Variants in GOLGA8A observed in about 807,000 individuals in gnomAD.
The protein encoded by GOLGA8A is golgin subfamily A member 8A.
Under a neutral mutation model 22.1 loss-of-function variants are expected in GOLGA8A, and 3 were observed. The observed-to-expected ratio is 0.14, with a 90% CI of 0.06 to 0.35. The LOEUF is 0.35. Among genes scored for constraint, GOLGA8A ranks in the 10% least tolerant of loss-of-function variants. The probability of loss-of-function intolerance (pLI) is 1.00; values close to 1 mark genes in which losing one functional copy is unlikely to be tolerated. For synonymous variants in GOLGA8A, 7 were observed against 91.7 expected, an observed-to-expected ratio of 0.08 and a Z score of 5.28; for missense variants, 16 against 233.2, an observed-to-expected ratio of 0.07 and a Z score of 6.07.
chr15:34,437,099 C>T (rs986524126), intron 1 of GOLGA8A, among the ~76,000 whole-genome samples: 1 of 148,004 alleles, frequency 6.8e-6, no homozygotes, highest in African/African-American at 2.5e-5. Flanking sequence ...CCGAGAGTGG[C>T]CCCTCGCCGC....
intron 2 of GOLGA8A, among the ~76,000 whole-genome samples, chr15:34,432,833 CA>C (rs1048326900): frequency 2.0e-5 from 3 of 149,084 alleles, no homozygotes; most frequent in Non-Finnish European, 4.5e-5. Context: ...TGCATTCTCT[CA>C]CTAGGCCGTA....
At chr15:34,429,608 A>C (rs1301140409) in intron 2 of GOLGA8A, among the ~76,000 whole-genome samples, 1 of 149,054 alleles carries the variant, frequency 6.7e-6, no homozygotes, top group East Asian at 2.0e-4. Context: ...CTCTGATGCC[A>C]CTGCACATTC....
At chr15:34,434,691 C>A (rs1187130026) in intron 2 of GOLGA8A, among the ~76,000 whole-genome samples, 1 of 149,274 alleles carries the variant, frequency 6.7e-6, no homozygotes, top group Non-Finnish European at 1.5e-5. Context: ...ACAATGAGCA[C>A]CCCCAGCCCC....
intron 2 of GOLGA8A, among the ~76,000 whole-genome samples, chr15:34,427,907 C>T (rs1315756900): frequency 1.3e-5 from 2 of 148,692 alleles, no homozygotes; most frequent in African/African-American, 2.5e-5. Flanking sequence ...ACCATCCCCA[C>T]TCCCACTGCC....
chr15:34,426,652 C>A (rs1892996054), intron 2 of GOLGA8A, among the ~76,000 whole-genome samples: 1 of 144,696 alleles, frequency 6.9e-6, no homozygotes, highest in Non-Finnish European at 1.5e-5. Flanking sequence ...GTTGATGGAG[C>A]CAGGGTCCTT....
Position 34,379,809 on chromosome 15 carries a change from T to C in GOLGA8A, c.*1602A>G, listed in dbSNP as rs1891388492. 1 of 152,690 alleles carries C rather than the reference T, an allele frequency of 6.5e-6. No individual in the cohort carries two copies. The highest frequency in any genetic ancestry group is 1.5e-5 in the Non-Finnish European group (1 of 68,048). 9.5% of individuals were successfully genotyped at this position (152,690 alleles called of 1,614,324 possible). ...TTCTTTCCCAAGCATCATCAAGTTA[T>C]GATTTAGGCAATGTATGATTGAAAT... On this transcript the variant is annotated 3_prime_UTR_variant, in exon 25 of 25. Coordinates refer to ENST00000359187, the MANE Select transcript of GOLGA8A (RefSeq NM_181077.5).
intron 6 of GOLGA8A, 90 bp downstream of exon 6, chr15:34,400,622 G>GTTTT (rs1265512078): frequency 8.5e-6 from 1 of 117,900 alleles, no homozygotes; most frequent in Non-Finnish European, 1.9e-5. Context: ...TTTGTGTTTT[G>GTTTT]TTTTTTTTGT....
chr15:34,434,445 C>A (rs1893400588), intron 2 of GOLGA8A, among the ~76,000 whole-genome samples: 1 of 149,318 alleles, frequency 6.7e-6, no homozygotes, highest in Non-Finnish European at 1.5e-5. Flanking sequence ...GGTCACCTAA[C>A]TCCCGGGCCT....
chr15:34,418,584 C>G (rs1334908134), intron 2 of GOLGA8A: 1 of 146,604 alleles, frequency 6.8e-6, no homozygotes, highest in Non-Finnish European at 1.5e-5. Flanking sequence ...GGGCAGAGAC[C>G]AGATGTGGGA....
At chr15:34,432,391 G>A (rs1184707076) in intron 2 of GOLGA8A, among the ~76,000 whole-genome samples, 4 of 148,498 alleles carry the variant, frequency 2.7e-5, no homozygotes, top group Non-Finnish European at 6.0e-5. Flanking sequence ...GACAGAACAC[G>A]GACCTCACAC....
intron 2 of GOLGA8A, chr15:34,420,393 C>G (rs560823795): frequency 1.4e-5 from 2 of 147,792 alleles, no homozygotes; most frequent in African/African-American, 5.0e-5. Context: ...GTAAGGAGCA[C>G]GCAGAACCTC....
chr15:34,417,887 A>G (rs1299416144), intron 2 of GOLGA8A: 3 of 143,860 alleles, frequency 2.1e-5, no homozygotes, highest in African/African-American at 7.7e-5. Context: ...ACAACTGGTC[A>G]TGATGGGAGG....
At chr15:34,409,411 AAG>A in intron 2 of GOLGA8A, among the ~76,000 whole-genome samples, 1 of 123,932 alleles carries the variant, frequency 8.1e-6, no homozygotes, top group East Asian at 2.3e-4. Context: ...CCAGTTTTTT[AAG>A]AGATTGCGGC....
At chr15:34,432,590 C>T (rs1222923682) in intron 2 of GOLGA8A, among the ~76,000 whole-genome samples, 2 of 149,200 alleles carry the variant, frequency 1.3e-5, no homozygotes, top group African/African-American at 2.5e-5. Context: ...CACAGAATTG[C>T]CCGATGATGT....
chr15:34,428,486 C>T (rs140755258), intron 2 of GOLGA8A: 1,578 of 149,242 alleles, frequency 0.011, 127 homozygotes, highest in Non-Finnish European at 0.016. Flanking sequence ...CAGCATCCAG[C>T]GCAGTCCCAG....
At chr15:34,431,939 G>A (rs1893274252) in intron 2 of GOLGA8A, among the ~76,000 whole-genome samples, 1 of 148,786 alleles carries the variant, frequency 6.7e-6, no homozygotes, top group Non-Finnish European at 1.5e-5. Flanking sequence ...GTCATGTGAT[G>A]CATGACAGTA....
At chr15:34,409,618 GTC>G (rs1892338210) in intron 2 of GOLGA8A, 7 of 540,492 alleles carry the variant, frequency 1.3e-5, no homozygotes, top group Admixed American at 3.2e-5. Context: ...CACCAGAAGA[GTC>G]TACCATGGCC....
intron 2 of GOLGA8A, among the ~76,000 whole-genome samples, chr15:34,431,267 C>T (rs1242122472): frequency 9.5e-6 from 1 of 105,546 alleles, no homozygotes; most frequent in Non-Finnish European, 2.0e-5. Flanking sequence ...TCCAGGAATG[C>T]CAAACCAACC....
intron 2 of GOLGA8A, among the ~76,000 whole-genome samples, chr15:34,427,692 C>T (rs117241829): frequency 0.1 from 14,776 of 147,416 alleles, 1,671 homozygotes; most frequent in South Asian, 0.25. Context: ...GAGTCCTAGG[C>T]GGTTGAGGAA....
Sources: gnomAD v4.1 joint callset for allele counts (sites outside exome capture counted in the v4.1 genomes callset) on GRCh38, gnomAD v4.1.1 for gene constraint, MANE v1.5 for transcripts, NCBI Gene and HGNC (gene_info 2026-07-23, HGNC 2026-07-21) for gene names.